The following TEX9 variants were observed in gnomAD, a reference collection of about 807,000 sequenced individuals.
The protein encoded by TEX9 is testis-expressed protein 9.
A neutral mutation model predicts 59.6 loss-of-function variants in TEX9; 74 were observed. That is an observed-to-expected ratio of 1.24 (90% CI 1.03 to 1.51). The LOEUF (loss-of-function observed/expected upper bound fraction) is 1.51, where lower values mean the gene tolerates loss of function less well. Ranked by LOEUF, TEX9 falls within the 40% of genes most tolerant of loss-of-function variation. The pLI is 0.00. For missense variants in TEX9, 522 were observed against 447.8 expected (o/e 1.17, Z -1.49); for synonymous variants, 186 against 152.2 (o/e 1.22, Z -1.64).
intron 1 of TEX9, among the ~76,000 whole-genome samples, chr15:56,330,525 A>G (rs996687011): frequency 6.6e-6 from 1 of 152,168 alleles, no homozygotes; most frequent in African/African-American, 2.4e-5. Context: ...AAGGTAAAAA[A>G]GTAGAGGAAC....
chr15:56,379,207 G>C (rs1308025413), intron 3 of TEX9, among the ~76,000 whole-genome samples: 1 of 151,950 alleles, frequency 6.6e-6, no homozygotes, highest in Non-Finnish European at 1.5e-5. Flanking sequence ...TTCCCTCTCA[G>C]TACTGCTTTC....
At chr15:56,273,585 T>C (rs2044600321) in intron 1 of TEX9, among the ~76,000 whole-genome samples, 1 of 152,252 alleles carries the variant, frequency 6.6e-6, no homozygotes, top group East Asian at 1.9e-4. Flanking sequence ...CATTTCTTTG[T>C]GTAGATTTAA....
intron 1 of TEX9, among the ~76,000 whole-genome samples, chr15:56,279,114 G>GA (rs1383657692): frequency 5.3e-5 from 8 of 152,042 alleles, no homozygotes; most frequent in African/African-American, 1.9e-4. Flanking sequence ...ACTTTAACGG[G>GA]AAAAAAGCAT....
intron 1 of TEX9, among the ~76,000 whole-genome samples, chr15:56,307,641 T>A (rs2045514392): frequency 1.3e-5 from 2 of 152,364 alleles, no homozygotes; most frequent in East Asian, 3.9e-4. Flanking sequence ...GTGGTTTTAA[T>A]GTATTTGTGG....
chr15:56,377,155 T>A (rs1427508181), intron 3 of TEX9, among the ~76,000 whole-genome samples: 2 of 152,208 alleles, frequency 1.3e-5, no homozygotes, highest in Non-Finnish European at 2.9e-5. Flanking sequence ...TTGGTTACTA[T>A]AGCACCATAG....
intron 12 of TEX9, chr15:56,434,211 A>G: frequency 6.2e-7 from 1 of 1,613,912 alleles, no homozygotes; most frequent in South Asian, 1.1e-5. Context: ...CAGCTGCTTC[A>G]TTCTTTGTTT....
chr15:56,315,105 A>G (rs185698632), intron 1 of TEX9, among the ~76,000 whole-genome samples: 5,355 of 150,694 alleles, frequency 0.036, 127 homozygotes, highest in Non-Finnish European at 0.057. Context: ...TCTTTATCCA[A>G]TTTGCCAGTC....
intron 10 of TEX9, among the ~76,000 whole-genome samples, chr15:56,414,606 G>A (rs1166431302): frequency 6.6e-6 from 1 of 151,756 alleles, no homozygotes; most frequent in East Asian, 1.9e-4. Flanking sequence ...GTATTCCATG[G>A]TGTATACGTA....
the TEX9 span, among the ~76,000 whole-genome samples, chr15:56,455,803 A>G: frequency 6.6e-6 from 1 of 152,300 alleles, no homozygotes; most frequent in South Asian, 2.1e-4. Context: ...AACCAGGATG[A>G]TGAATAAACT....
At chr15:56,365,534 A>G (rs890592811) in intron 1 of TEX9, 45 bp from the exon 2 acceptor site, 9 of 1,614,074 alleles carry the variant, frequency 5.6e-6, no homozygotes, top group Non-Finnish European at 7.6e-6. Flanking sequence ...TAGGACGCCT[A>G]ACTTCCTTTA....
At chr15:56,309,464 A>T (rs1379488884) in intron 1 of TEX9, among the ~76,000 whole-genome samples, 1 of 152,062 alleles carries the variant, frequency 6.6e-6, no homozygotes, top group Non-Finnish European at 1.5e-5. Context: ...TTTTGCTAGT[A>T]TTTCGTTGAT....
intron 1 of TEX9, among the ~76,000 whole-genome samples, chr15:56,260,865 G>A (rs578098798): frequency 5.3e-5 from 8 of 151,864 alleles, no homozygotes; most frequent in East Asian, 1.9e-4. Flanking sequence ...TAAATATATC[G>A]AAGCTCAAAT....
At chr15:56,388,180 G>T (rs1448238577) in intron 4 of TEX9, among the ~76,000 whole-genome samples, 1 of 152,114 alleles carries the variant, frequency 6.6e-6, no homozygotes, top group South Asian at 2.1e-4. Flanking sequence ...GGTAATTGCT[G>T]TGGATAGCCC....
In TEX9 at chr15:56,304,685, T is replaced by A. The variant is rs60761202; in HGVS notation, c.-107+60407T>A. On this transcript the variant is annotated intron_variant, in intron 1 of 5. Coordinates refer to the TEX9 transcript ENST00000560827. The stretch of plus-strand genomic sequence containing the variant: ...TAGTATATTGTTGACAATTTTCCCA[T>A]CAATTTTCATCAGAGATATGGGCCT... Among the ~76,000 whole-genome samples the A allele has an allele frequency of 7.7e-3, 1,169 of 152,292 alleles. 14 individuals carry two copies. The highest frequency in any genetic ancestry group is 0.027 in the African/African-American group (1,134 of 41,566).
chr15:56,385,756 G>T (rs1267593412), intron 4 of TEX9, among the ~76,000 whole-genome samples: 1 of 152,000 alleles, frequency 6.6e-6, no homozygotes, highest in Non-Finnish European at 1.5e-5. Flanking sequence ...AAACAACTAT[G>T]GGTACCCCGC....
intron 12 of TEX9, among the ~76,000 whole-genome samples, chr15:56,439,179 G>T (rs544245435): frequency 6.6e-6 from 1 of 152,042 alleles, no homozygotes; most frequent in Non-Finnish European, 1.5e-5. Context: ...TTCCATTTAC[G>T]ATTGCTCAAA....
At chr15:56,342,939 A>G (rs1368086151) in intron 1 of TEX9, among the ~76,000 whole-genome samples, 2 of 152,194 alleles carry the variant, frequency 1.3e-5, no homozygotes, top group Admixed American at 1.3e-4. Flanking sequence ...CTCTCCAGAG[A>G]GATGATTTTA....
At chr15:56,248,744 C>T (rs2043927867) in intron 1 of TEX9, 1 of 152,170 alleles carries the variant, frequency 6.6e-6, no homozygotes, top group African/African-American at 2.4e-5. Flanking sequence ...CTTAGAAATT[C>T]AGGAAAGGAG....
chr15:56,444,353 C>T, intron 12 of TEX9: 1 of 1,045,630 alleles, frequency 9.6e-7, no homozygotes, highest in Non-Finnish European at 1.4e-6. Flanking sequence ...ATGTATTAGG[C>T]ACTGTTCTAG....
Sources: gnomAD v4.1 joint callset for allele counts (sites outside exome capture counted in the v4.1 genomes callset) on GRCh38, gnomAD v4.1.1 for gene constraint, MANE v1.5 for transcripts, NCBI Gene and HGNC (gene_info 2026-07-23, HGNC 2026-07-21) for gene names.